The following CSNK1G1 variants were observed in gnomAD, a reference collection of about 807,000 sequenced individuals.
CSNK1G1 encodes the protein casein kinase I isoform gamma-1.
In CSNK1G1, 22 loss-of-function variants were observed where a neutral mutation model predicts 59.6. The observed-to-expected ratio is 0.37, with a 90% CI of 0.26 to 0.53. The LOEUF (loss-of-function observed/expected upper bound fraction) is 0.53. CSNK1G1 is among the 20% of genes least tolerant of loss of function. The pLI is 0.89. For missense variants in CSNK1G1, 384 were observed against 519.5 expected, an observed-to-expected ratio of 0.74 and a Z score of 2.54; for synonymous variants, 179 against 177.1, an observed-to-expected ratio of 1.01 and a Z score of -0.08.
chr15:64,216,766 T>C lies in CSNK1G1; in HGVS notation c.293-53A>G. The C allele has an allele frequency of 1.3e-6, 2 of 1,512,446 alleles. No individual in the cohort carries two copies. The highest frequency in any genetic ancestry group is 1.8e-5 in the Admixed American group (1 of 56,498). 93.7% of individuals were successfully genotyped at this position (1,512,446 alleles called of 1,614,324 possible). ...ACAGTGGGAGACACAAAAGCCAAAATATGAGATAACAGTATTAGCACTGAA... is the reference window on the plus strand; with the variant it reads ...ACAGTGGGAGACACAAAAGCCAAAACATGAGATAACAGTATTAGCACTGAA... On this transcript the variant is annotated intron_variant, in intron 4 of 11. Transcript: ENST00000303052. This position sits in a 1 kb window ranked among gnomAD's most constrained non-coding sequence, Gnocchi z 4.6.
chr15:64,203,278 G>A, intron 9 of CSNK1G1, 89 bp from the exon 10 acceptor site: 1 of 836,830 alleles, frequency 1.2e-6, no homozygotes, highest in East Asian at 2.7e-5. Context: ...TTCTAATAGA[G>A]TAGTAGTAAT....
intron 1 of CSNK1G1, among the ~76,000 whole-genome samples, chr15:64,349,043 A>G (rs577129381): frequency 5.1e-4 from 77 of 151,908 alleles, no homozygotes; most frequent in African/African-American, 1.8e-3. Context: ...AGTCTGAGGC[A>G]AGAGAATTGC....
intron 8 of CSNK1G1, 121 bp downstream of exon 8, chr15:64,204,744 G>GT: frequency 8.8e-7 from 1 of 1,134,860 alleles, no homozygotes; most frequent in Non-Finnish European, 1.3e-6. Context: ...ACCTACTTTG[G>GT]TCTGTATCAC....
chr15:64,275,702 A>G (rs1157986669), intron 2 of CSNK1G1, among the ~76,000 whole-genome samples: 1 of 152,174 alleles, frequency 6.6e-6, no homozygotes, highest in Non-Finnish European at 1.5e-5. Context: ...ATATAAAGTA[A>G]ATACATTCAA....
chr15:64,332,927 G>A (rs1057292245), intron 1 of CSNK1G1, among the ~76,000 whole-genome samples: 4 of 152,248 alleles, frequency 2.6e-5, no homozygotes, highest in African/African-American at 9.6e-5. Flanking sequence ...AAACCAGAAA[G>A]TTTGGAAAAC....
chr15:64,171,865 T>A lies in CSNK1G1; in HGVS notation c.*66A>T. ...AAGAGGAGTCCCTTCCAATGAGAAA[T>A]GGCAGGAGCTGCAGGTACAATTGAG... On this transcript the variant is annotated 3_prime_UTR_variant, in exon 12 of 12. Coordinates refer to ENST00000303052, the MANE Select transcript of CSNK1G1 (RefSeq NM_022048.5). The surrounding 1 kb of genome is among the most constrained non-coding windows in gnomAD (Gnocchi z 4.8). The A allele has an allele frequency of 1.5e-6, 2 of 1,321,994 alleles. No individual in the cohort carries two copies. Among genetic ancestry groups the A allele is most frequent in the South Asian group, 2.3e-5 (2 of 85,258 alleles). 81.9% of individuals were successfully genotyped at this position (1,321,994 alleles called of 1,614,324 possible).
chr15:64,217,890 T>C (rs748713080), intron 4 of CSNK1G1, among the ~76,000 whole-genome samples: 23 of 152,102 alleles, frequency 1.5e-4, no homozygotes, highest in Non-Finnish European at 2.8e-4. Context: ...TCCCATCTTA[T>C]ATATTTATGT....
chr15:64,303,968 A>G (rs564306667), intron 1 of CSNK1G1, among the ~76,000 whole-genome samples: 2 of 151,838 alleles, frequency 1.3e-5, no homozygotes, highest in East Asian at 1.9e-4. Context: ...GAAAATGTTC[A>G]TAACACCTAC....
At chr15:64,212,080 A>G (rs774872265) in intron 6 of CSNK1G1, among the ~76,000 whole-genome samples, 1 of 152,234 alleles carries the variant, frequency 6.6e-6, no homozygotes, top group Non-Finnish European at 1.5e-5. Flanking sequence ...GTGCTTTCAC[A>G]TATATTATCC....
intron 2 of CSNK1G1, among the ~76,000 whole-genome samples, chr15:64,264,520 T>G (rs1234488348): frequency 6.6e-6 from 1 of 152,232 alleles, no homozygotes; most frequent in Non-Finnish European, 1.5e-5. Flanking sequence ...CTTCTAAACT[T>G]ATTCTGAGTC....
chr15:64,355,930 C>T (rs1898649636), intron 1 of CSNK1G1, 58 bp downstream of exon 1: 1 of 147,628 alleles, frequency 6.8e-6, no homozygotes, highest in Non-Finnish European at 1.5e-5. Context: ...CCCCCTCAGA[C>T]ACACACACAC....
At chr15:64,206,508 G>A (rs940231522) in intron 7 of CSNK1G1, among the ~76,000 whole-genome samples, 4 of 148,714 alleles carry the variant, frequency 2.7e-5, no homozygotes, top group Admixed American at 6.9e-5. Flanking sequence ...TCAAGAGGCT[G>A]AGGTAGGAGA....
At chr15:64,309,347 C>T (rs896348625) in intron 1 of CSNK1G1, among the ~76,000 whole-genome samples, 1 of 102,948 alleles carries the variant, frequency 9.7e-6, no homozygotes, top group Non-Finnish European at 2.2e-5. Flanking sequence ...CACACACACA[C>T]ACACAAATAA....
At chr15:64,339,256 G>C (rs1302123062) in intron 1 of CSNK1G1, among the ~76,000 whole-genome samples, 1 of 152,158 alleles carries the variant, frequency 6.6e-6, no homozygotes, top group Non-Finnish European at 1.5e-5. Context: ...CAGATGAGCT[G>C]AATCAGAAAT....
chr15:64,278,996 T>C (rs1300285465), intron 2 of CSNK1G1, among the ~76,000 whole-genome samples: 1 of 152,256 alleles, frequency 6.6e-6, no homozygotes, highest in Non-Finnish European at 1.5e-5. Context: ...CCAGTGATTA[T>C]GAAGCAGCTC....
chr15:64,204,357 G>T (rs754896063), intron 9 of CSNK1G1, 84 bp downstream of exon 9: 104 of 1,104,004 alleles, frequency 9.4e-5, no homozygotes, highest in Admixed American at 2.6e-4. Flanking sequence ...CAAGCAGAAA[G>T]ACTGGCAAGT....
intron 4 of CSNK1G1, among the ~76,000 whole-genome samples, chr15:64,241,538 G>A (rs1415230712): frequency 1.3e-5 from 2 of 152,086 alleles, no homozygotes; most frequent in African/African-American, 4.8e-5. Flanking sequence ...ATATTATCCA[G>A]GACAGGCCAT....
chr15:64,240,706 G>A (rs913340107), intron 4 of CSNK1G1, among the ~76,000 whole-genome samples: 2 of 151,974 alleles, frequency 1.3e-5, no homozygotes, highest in African/African-American at 4.8e-5. Context: ...AGAAATGAGA[G>A]AGCAATAAAG....
intron 10 of CSNK1G1, among the ~76,000 whole-genome samples, chr15:64,192,333 T>C (rs563016028): frequency 6.6e-6 from 1 of 152,362 alleles, no homozygotes; most frequent in African/African-American, 2.4e-5. Context: ...TGGTAACTCC[T>C]TGGGGGAACG....
Sources: allele counts gnomAD v4.1 joint callset (sites outside exome capture counted in the v4.1 genomes callset), GRCh38; gene constraint gnomAD v4.1.1; non-coding constraint Gnocchi (gnomAD v3.1); transcripts MANE v1.5; gene names NCBI Gene and HGNC (gene_info 2026-07-23, HGNC 2026-07-21).